Variants in ABCC1 observed in about 807,000 individuals in gnomAD.
ABCC1 encodes the protein multidrug resistance-associated protein 1.
Under a neutral mutation model 172.9 loss-of-function variants are expected in ABCC1, and 83 were observed. The ratio of observed to expected loss-of-function variants is 0.48; its 90% CI spans 0.40 to 0.58. ABCC1 has a LOEUF of 0.58. Among genes scored for constraint, ABCC1 ranks in the 20% least tolerant of loss-of-function variants. The pLI, the probability that ABCC1 is intolerant of heterozygous loss-of-function variation, is 0.00. For missense variants in ABCC1, 1,817 were observed against 2,002.7 expected, an observed-to-expected ratio of 0.91 and a Z score of 1.77; for synonymous variants, 937 against 825.2, an observed-to-expected ratio of 1.14 and a Z score of -2.32.
Position 15,973,128 on chromosome 16 carries a change from C to G in ABCC1, c.48+23329C>G, listed in dbSNP as rs116398863. Reference sequence around the variant, plus strand: ...TCTTTCAATCAATTCACTTTTTAAGCCTTAACAAAGTTATCGCAAAAGGAA... The same window carrying G: ...TCTTTCAATCAATTCACTTTTTAAGGCTTAACAAAGTTATCGCAAAAGGAA... On this transcript the variant is annotated intron_variant, in intron 1 of 30. Coordinates refer to ENST00000399410, the MANE Select transcript of ABCC1 (RefSeq NM_004996.4). 2.1e-3 allele frequency among the ~76,000 whole-genome samples: 323 copies of G among 151,988 alleles called. 3 individuals are homozygous for G. Among genetic ancestry groups the G allele is most frequent in the African/African-American group, 7.3e-3 (305 of 41,502 alleles).
chr16:16,011,884 G>A (rs772070727), intron 3 of ABCC1, among the ~76,000 whole-genome samples: 1 of 151,904 alleles, frequency 6.6e-6, no homozygotes, highest in Non-Finnish European at 1.5e-5. Context: ...GGCCAGGCTG[G>A]TCTCGAACTC....
At chr16:16,092,462 C>T (rs2051293789) in intron 19 of ABCC1, among the ~76,000 whole-genome samples, 2 of 152,162 alleles carry the variant, frequency 1.3e-5, no homozygotes. Flanking sequence ...CTGGACATTT[C>T]ATATAAATGC....
intron 23 of ABCC1, among the ~76,000 whole-genome samples, chr16:16,121,704 A>G (rs368740886): frequency 1.3e-5 from 2 of 152,288 alleles, no homozygotes; most frequent in Admixed American, 6.5e-5. Context: ...TGAGGATTGA[A>G]TGAACTGATG....
intron 7 of ABCC1, among the ~76,000 whole-genome samples, chr16:16,040,378 C>T (rs577579155): frequency 9.2e-5 from 14 of 151,846 alleles, no homozygotes; most frequent in African/African-American, 1.7e-4. Flanking sequence ...ACCTCCACCC[C>T]CCGGGTTCAA....
At chr16:15,966,006 CA>C (rs1415715102) in intron 1 of ABCC1, among the ~76,000 whole-genome samples, 1 of 152,146 alleles carries the variant, frequency 6.6e-6, no homozygotes, top group Non-Finnish European at 1.5e-5. Flanking sequence ...GAAAAGGCTT[CA>C]CTCTAGCCAT....
At position 16,077,786 on chromosome 16, in the gene ABCC1, G is replaced by T. The variant is rs2050637376; in HGVS notation, c.1988+1385G>T. ...GCACAGAATCCCAGCACTTTGGGAG[G>T]CCAAGGTGGGCACATCACCTGAAGT... On this transcript the variant is annotated intron_variant, in intron 15 of 30. Coordinates refer to ENST00000399410, the MANE Select transcript of ABCC1 (RefSeq NM_004996.4). 3.9e-5 allele frequency among the ~76,000 whole-genome samples: 6 copies of T among 152,360 alleles called. No homozygotes were observed. In the South Asian group the frequency reaches 1.2e-3, roughly 32 times the overall value.
intron 21 of ABCC1, 80 bp from the exon 22 acceptor site, chr16:16,111,295 G>A: frequency 8.3e-7 from 1 of 1,203,034 alleles, no homozygotes; most frequent in Non-Finnish European, 1.2e-6. Flanking sequence ...CAGTGCTGGT[G>A]AAGCCCCCGA....
intron 24 of ABCC1, among the ~76,000 whole-genome samples, chr16:16,124,356 G>GTGTGT (rs1567432228): frequency 2.4e-5 from 1 of 42,182 alleles, no homozygotes; most frequent in Non-Finnish European, 4.9e-5. Flanking sequence ...TGTGATTATA[G>GTGTGT]GAGTGACCCA....
At chr16:16,114,650 T>G (rs550628774) in intron 22 of ABCC1, 116 bp from the exon 23 acceptor site, 9 of 958,528 alleles carry the variant, frequency 9.4e-6, no homozygotes, top group Non-Finnish European at 1.2e-5. Flanking sequence ...TCATCATTAT[T>G]ATTATTATTA....
rs181597758 is a variant in ABCC1, at chr16:16,124,108, C to T, written c.3591-681C>T. The stretch of plus-strand genomic sequence containing the variant: ...AACACTTTGAAATGAAGAGTCTGGG[C>T]TTGGGAACGTTACAATGATGTTTAC... On this transcript the variant is annotated intron_variant, in intron 24 of 30. Coordinates refer to ENST00000399410, the MANE Select transcript of ABCC1 (RefSeq NM_004996.4). Among the ~76,000 whole-genome samples, 374 of 152,254 alleles carry T rather than the reference C, an allele frequency of 2.5e-3. 3 individuals carry two copies. Among genetic ancestry groups the T allele is most frequent in the African/African-American group, 7.9e-3 (329 of 41,554 alleles).
chr16:16,086,455 C>G (rs2051009269), intron 17 of ABCC1, among the ~76,000 whole-genome samples: 1 of 152,022 alleles, frequency 6.6e-6, no homozygotes, highest in South Asian at 2.1e-4. Flanking sequence ...CTATGCCTTT[C>G]TTTCTTTCTT....
chr16:16,061,804 C>T (rs1256095498), intron 12 of ABCC1, among the ~76,000 whole-genome samples: 5 of 123,694 alleles, frequency 4.0e-5, no homozygotes, highest in African/African-American at 1.3e-4. Context: ...GATGGGGTCT[C>T]ACACTGCCGC....
intron 20 of ABCC1, chr16:16,105,356 G>A (rs16967758): frequency 0.27 from 41,810 of 152,282 alleles, 5,970 homozygotes; most frequent in African/African-American, 0.36. Context: ...GTTGGTTCCA[G>A]TTGCTCCCTC....
At chr16:16,014,777 T>A in intron 4 of ABCC1, 149 bp downstream of exon 4, 1 of 901,532 alleles carries the variant, frequency 1.1e-6, no homozygotes, top group Non-Finnish European at 1.7e-6. Context: ...GTGACTTTCC[T>A]ACCCCACCAA....
intron 14 of ABCC1, among the ~76,000 whole-genome samples, chr16:16,074,662 C>T (rs545039412): frequency 5.9e-5 from 9 of 152,314 alleles, no homozygotes; most frequent in Non-Finnish European, 1.2e-4. Flanking sequence ...AGCTCCCAAG[C>T]TAACCGTTCT....
rs1163567166 is a variant in ABCC1 at position 16,086,992 on chromosome 16, G to T, written c.2460+1G>T. 6.2e-7 allele frequency: 1 copy of T among 1,614,026 alleles called. No homozygotes were observed. Among genetic ancestry groups the T allele is most frequent in the African/African-American group, 1.3e-5 (1 of 74,946 alleles). On this transcript the variant is annotated splice_donor_variant, in intron 18 of 30. Transcript: ENST00000399410. LOFTEE classifies it high-confidence loss of function. ...CCCCAAGGGGATGCTGAAGAACAAG[G>T]TGCCTGCTGGCGGGGTGGGGCTTGG...
intron 16 of ABCC1, among the ~76,000 whole-genome samples, chr16:16,081,098 C>T (rs986503826): frequency 1.3e-5 from 2 of 152,158 alleles, no homozygotes; most frequent in Admixed American, 6.5e-5. Context: ...GAACTCCTAA[C>T]CTCAGGTGAT....
intron 14 of ABCC1, among the ~76,000 whole-genome samples, chr16:16,074,740 C>T (rs985447506): frequency 6.6e-6 from 1 of 152,202 alleles, no homozygotes; most frequent in African/African-American, 2.4e-5. Flanking sequence ...TTTCCTCATT[C>T]CACGTCCACT....
In ABCC1 at chr16:16,022,685, G is replaced by C. The variant is rs376765982; in HGVS notation, c.615+6064G>C. ...ACATTCAGTGAAAGCTACTCAGCTC[G>C]TTTGCAGTAAGAGGTATTTTTAGTC... On this transcript the variant is annotated intron_variant, in intron 5 of 30. Transcript: ENST00000399410. Among the ~76,000 whole-genome samples, 6 of 152,104 alleles carry C rather than the reference G, an allele frequency of 3.9e-5. No individual in the cohort carries two copies. The East Asian group carries it at 5.8e-4, about 15-fold the overall frequency.
Sources: allele counts gnomAD v4.1 joint callset (sites outside exome capture counted in the v4.1 genomes callset), GRCh38; gene constraint gnomAD v4.1.1; transcripts MANE v1.5; gene names NCBI Gene and HGNC (gene_info 2026-07-23, HGNC 2026-07-21).